The following ANKRD11 variants were observed in gnomAD, a reference collection of about 807,000 sequenced individuals.
ANKRD11 encodes the protein ankyrin repeat domain 11, also known as ankyrin repeat domain-containing protein 11.
In ANKRD11, 17 loss-of-function variants were observed where a neutral mutation model predicts 195.7. That is an observed-to-expected ratio of 0.09 (90% CI 0.06 to 0.13). The LOEUF is 0.13. ANKRD11 is among the 10% of genes least tolerant of loss of function. The pLI, the probability that ANKRD11 is intolerant of heterozygous loss-of-function variation, is 1.00. For missense variants in ANKRD11, 3,735 were observed against 3,566.1 expected, an observed-to-expected ratio of 1.05 and a Z score of -1.21; for synonymous variants, 1,953 against 1,528.1, an observed-to-expected ratio of 1.28 and a Z score of -6.49.
At chr16:89,478,623 G>A (rs970827628) in intron 1 of ANKRD11, among the ~76,000 whole-genome samples, 4 of 152,158 alleles carry the variant, frequency 2.6e-5, no homozygotes, top group South Asian at 2.1e-4. Flanking sequence ...CCCCCAGAGC[G>A]AAGCTGCCTG....
At position 89,379,334 on chromosome 16, in the gene ANKRD11, T is replaced by A. The variant is rs77722916; in HGVS notation, c.-60+38950A>T. 1.3e-3 allele frequency among the ~76,000 whole-genome samples: 197 copies of A among 152,314 alleles called. 1 individual carries two copies. The highest frequency in any genetic ancestry group is 4.5e-3 in the African/African-American group (189 of 41,558). ...TGGAACAACAATTTTATAAAATAAT[T>A]TTAAATGGCTCAAATCAAGTGTTAC... On this transcript the variant is annotated intron_variant, in intron 2 of 12. Coordinates refer to ENST00000301030, the MANE Select transcript of ANKRD11 (RefSeq NM_013275.6).
At position 89,300,781 on chromosome 16, in the gene ANKRD11, G is replaced by A. The variant is rs567490058; in HGVS notation, c.226+4425C>T. On this transcript the variant is annotated intron_variant, in intron 4 of 12. Coordinates refer to ENST00000301030, the MANE Select transcript of ANKRD11 (RefSeq NM_013275.6). ...CATGTGCCTGGCAGCACTGCAGAGA[G>A]CACACCCCAGGCACCAGAGACCAGG... 3.7e-4 allele frequency: 251 copies of A among 678,018 alleles called. 5 individuals are homozygous for A. Among genetic ancestry groups the A allele is most frequent in the South Asian group, 3.5e-3 (221 of 63,156 alleles). The allele number at this position is 678,018 out of a possible 1,614,324, so 42.0% of individuals were successfully genotyped here. A position where few individuals can be genotyped will look rare whatever the true frequency, so the allele number is the denominator to read the frequency against.
intron 1 of ANKRD11, among the ~76,000 whole-genome samples, chr16:89,457,480 C>G (rs890981899): frequency 1.3e-5 from 2 of 151,074 alleles, no homozygotes; most frequent in African/African-American, 4.9e-5. Flanking sequence ...CACCCGTAAT[C>G]CCAGCTACTC....
At chr16:89,439,028 A>G (rs2043334464) in intron 1 of ANKRD11, among the ~76,000 whole-genome samples, 1 of 151,412 alleles carries the variant, frequency 6.6e-6, no homozygotes, top group Non-Finnish European at 1.5e-5. Flanking sequence ...AAAAATTTTA[A>G]CCTTTCTCTT....
chr16:89,326,532 C>G (rs577307602), intron 2 of ANKRD11, among the ~76,000 whole-genome samples: 13 of 152,250 alleles, frequency 8.5e-5, no homozygotes, highest in Admixed American at 3.3e-4. Context: ...GTCATTTGGG[C>G]CCAAGAGTTT....
intron 9 of ANKRD11, chr16:89,278,867 A>G: frequency 1.2e-6 from 1 of 847,642 alleles, no homozygotes; most frequent in Non-Finnish European, 1.9e-6. Context: ...AGCTGGAGGA[A>G]GGACCTCGGG....
chr16:89,335,156 G>A (rs941827364), intron 2 of ANKRD11, among the ~76,000 whole-genome samples: 2 of 152,164 alleles, frequency 1.3e-5, no homozygotes, highest in Admixed American at 6.5e-5. Flanking sequence ...CGGCCTGTGG[G>A]GGCACTGTGG....
At chr16:89,463,108 G>C (rs1219922276) in intron 1 of ANKRD11, among the ~76,000 whole-genome samples, 13 of 150,622 alleles carry the variant, frequency 8.6e-5, no homozygotes, top group African/African-American at 3.2e-4. Context: ...GGGCGCCTCT[G>C]CCCGGCCGCC....
At chr16:89,481,896 T>A (rs923461634) in intron 1 of ANKRD11, among the ~76,000 whole-genome samples, 4 of 151,956 alleles carry the variant, frequency 2.6e-5, no homozygotes, top group African/African-American at 7.3e-5. Flanking sequence ...ATTCTTTTTT[T>A]AAAACAGAAA....
Position 89,437,894 on chromosome 16 carries a change from G to A in ANKRD11, c.-144-19526C>T, listed in dbSNP as rs562319481. ...CAGGGCAATGCATAATGCAAACTAG[G>A]CCCGGGGGCTGTGGAGTTGGGCAGC... On this transcript the variant is annotated intron_variant, in intron 1 of 12. Coordinates refer to ENST00000301030, the MANE Select transcript of ANKRD11 (RefSeq NM_013275.6). 9.2e-5 allele frequency among the ~76,000 whole-genome samples: 14 copies of A among 152,318 alleles called. 1 individual carries two copies. Among genetic ancestry groups the A allele is most frequent in the African/African-American group, 3.1e-4 (13 of 41,570 alleles).
chr16:89,375,526 C>A (rs1023412762), intron 2 of ANKRD11, among the ~76,000 whole-genome samples: 1 of 151,990 alleles, frequency 6.6e-6, no homozygotes, highest in Admixed American at 6.6e-5. Context: ...GTGGCACGAT[C>A]TTGGCTCGCT....
intron 4 of ANKRD11, among the ~76,000 whole-genome samples, chr16:89,296,312 G>T (rs1198816866): frequency 6.6e-6 from 1 of 152,092 alleles, no homozygotes; most frequent in Non-Finnish European, 1.5e-5. Flanking sequence ...GGCCTCTGGA[G>T]CCACCGTCTC....
rs751856485 is a variant in ANKRD11, at chr16:89,280,124, C to G, written c.6418G>C (p.Glu2140Gln). The change falls in exon 9 of 13, where the codon GAG (glutamate) becomes CAG (glutamine). Residue 2140 changes from glutamate (E) to glutamine (Q), a missense_variant. By Grantham distance (29) the Glu-to-Gln change is conservative (BLOSUM62 2). Coordinates refer to ENST00000301030, the MANE Select transcript of ANKRD11 (RefSeq NM_013275.6). ...GCATCTTTAGTCTGCAGGGGAAGCT[C>G]CGGCAGGGAGAAGGGCCCCAGGTCC... ...DLDLGPFSLPELPLQTKDAAD... is the reference protein window; with the variant it reads ...DLDLGPFSLPQLPLQTKDAAD... The G allele has an allele frequency of 2.5e-6, 4 of 1,612,346 alleles. No homozygotes were observed. Among genetic ancestry groups the G allele is most frequent in the African/African-American group, 1.3e-5 (1 of 74,932 alleles).
intron 1 of ANKRD11, among the ~76,000 whole-genome samples, chr16:89,485,137 T>G (rs1597561908): frequency 2.6e-5 from 4 of 152,140 alleles, no homozygotes; most frequent in African/African-American, 9.7e-5. Flanking sequence ...CTTACTTTTA[T>G]TTTCACACTG....
chr16:89,296,799 G>C (rs1597507469), intron 4 of ANKRD11, among the ~76,000 whole-genome samples: 1 of 152,200 alleles, frequency 6.6e-6, no homozygotes, highest in Admixed American at 6.5e-5. Context: ...CTTTTGCTGT[G>C]GTGGGGGCCC....
rs374714506 is a variant in ANKRD11 at position 89,279,335 on chromosome 16, A to C, written c.7207T>G (p.Ser2403Ala). Reference protein sequence around the residue: ...TQQLQQQLNTSTQQTREVIQQ... With the variant: ...TQQLQQQLNTATQQTREVIQQ... ...ATCACCTCCCGCGTCTGCTGCGTGG[A>C]CGTGTTCAGCTGCTGCTGCAGCTGC... is the stretch of plus-strand genomic sequence containing the variant. The change falls in exon 9 of 13, where the codon TCC becomes GCC. Residue 2403 changes from serine (S) to alanine (A), a missense_variant. Ser to Ala is a moderately conservative substitution (Grantham distance 99). Transcript: ENST00000301030. This position sits in a 1 kb window ranked among gnomAD's most constrained non-coding sequence, Gnocchi z 5.6. 2 of 1,611,136 alleles carry C rather than the reference A, an allele frequency of 1.2e-6. No homozygotes were observed. Among genetic ancestry groups the C allele is most frequent in the Non-Finnish European group, 1.7e-6 (2 of 1,179,562 alleles).
chr16:89,343,177 G>A (rs772128931), intron 2 of ANKRD11, among the ~76,000 whole-genome samples: 1 of 152,054 alleles, frequency 6.6e-6, no homozygotes, highest in Non-Finnish European at 1.5e-5. Context: ...TTTTAGTGGA[G>A]ACGGGGTTTC....
Position 89,282,293 on chromosome 16 carries a change from C to G in ANKRD11, c.4249G>C (p.Asp1417His), listed in dbSNP as rs151040526. 9 of 1,614,038 alleles carry G rather than the reference C, an allele frequency of 5.6e-6. No homozygotes were observed. In the African/African-American group the frequency reaches 1.2e-4, roughly 22 times the overall value. ...NMKADIEDEL[D>H]KTIELFSTEK... is the part of the protein sequence containing the mutation. Reference sequence around the variant, plus strand: ...GTAGAAAACAATTCAATGGTTTTATCTAGCTCATCTTCTATGTCAGCTTTC... The same window carrying G: ...GTAGAAAACAATTCAATGGTTTTATGTAGCTCATCTTCTATGTCAGCTTTC... Residue 1417 changes from aspartate (D) to histidine (H), a missense_variant, in exon 9 of 13, where the codon GAT (aspartate) becomes CAT (histidine). Asp to His is a moderately conservative substitution (Grantham distance 81, BLOSUM62 -1). Coordinates refer to ENST00000301030, the MANE Select transcript of ANKRD11 (RefSeq NM_013275.6).
At position 89,282,055 on chromosome 16, in the gene ANKRD11, T is replaced by C. The variant is rs757382260; in HGVS notation, c.4487A>G (p.His1496Arg). 1.9e-6 allele frequency: 3 copies of C among 1,612,170 alleles called. No individual in the cohort carries two copies. The highest frequency in any genetic ancestry group is 1.7e-6 in the Non-Finnish European group (2 of 1,179,054). ...GGTGGCGGGCTTCTGCTCGTCCCTG[T>C]GATGCCGCAGGAGCTCGTCCCTGTG... ...RHHRDELLRH[H>R]RDEQKPATRD... Residue 1496 changes from histidine (H) to arginine (R), a missense_variant, in exon 9 of 13, where the codon CAC becomes CGC. Physicochemically the swap from His to Arg is conservative, Grantham distance 29. Transcript: ENST00000301030.
Sources: gnomAD v4.1 joint callset for allele counts (sites outside exome capture counted in the v4.1 genomes callset) on GRCh38, gnomAD v4.1.1 for gene constraint, Gnocchi (gnomAD v3.1) non-coding constraint, MANE v1.5 for transcripts, NCBI Gene and HGNC (gene_info 2026-07-23, HGNC 2026-07-21) for gene names.